Variants in PLXNA4 observed in about 807,000 individuals in gnomAD.
PLXNA4 encodes the protein plexin A4, also known as plexin-A4.
In PLXNA4, 44 loss-of-function variants were observed where a neutral mutation model predicts 191.8. The observed-to-expected ratio is 0.23, with a 90% CI of 0.18 to 0.29. The LOEUF (loss-of-function observed/expected upper bound fraction) is 0.29, where lower values mean the gene tolerates loss of function less well. Ranked by LOEUF, PLXNA4 falls within the 10% of genes least tolerant of loss-of-function variation. PLXNA4 has a pLI of 1.00. For synonymous variants in PLXNA4, 1,082 were observed against 1,009.5 expected, an observed-to-expected ratio of 1.07 and a Z score of -1.36; for missense variants, 1,800 against 2,488.8, an observed-to-expected ratio of 0.72 and a Z score of 5.89.
At chr7:132,310,875 C>T (rs1057447870) in intron 3 of PLXNA4, among the ~76,000 whole-genome samples, 1 of 152,126 alleles carries the variant, frequency 6.6e-6, no homozygotes, top group East Asian at 1.9e-4. Context: ...TAAGAACAGC[C>T]CATGTTCACC....
At chr7:132,374,668 A>ACAGTT (rs1202980406) in intron 3 of PLXNA4, among the ~76,000 whole-genome samples, 1 of 152,194 alleles carries the variant, frequency 6.6e-6, no homozygotes, top group East Asian at 1.9e-4. Context: ...AATGCTAACA[A>ACAGTT]CAGTTTCTAG....
chr7:132,537,190 C>A (rs1334784988), intron 1 of PLXNA4, among the ~76,000 whole-genome samples: 5 of 152,338 alleles, frequency 3.3e-5, no homozygotes, highest in Non-Finnish European at 7.3e-5. Context: ...ACGCCGTCCA[C>A]AGGGCCAGCC....
intron 3 of PLXNA4, among the ~76,000 whole-genome samples, chr7:132,299,015 G>C (rs1801209580): frequency 6.6e-6 from 1 of 152,218 alleles, no homozygotes; most frequent in South Asian, 2.1e-4. Context: ...GAAAAGACAT[G>C]AGCTTTCCAA....
intron 3 of PLXNA4, among the ~76,000 whole-genome samples, chr7:132,400,058 C>A (rs1793923779): frequency 6.6e-6 from 1 of 152,042 alleles, no homozygotes; most frequent in Admixed American, 6.5e-5. Context: ...CTCCCTTACC[C>A]CACGCCAGTC....
chr7:132,130,171 G>A lies in PLXNA4; in HGVS notation c.*308C>T. On this transcript the variant is annotated 3_prime_UTR_variant, in exon 32 of 32. Transcript: ENST00000321063. The stretch of plus-strand genomic sequence containing the variant: ...GCACCCTGCTGCTGACATGCACAGG[G>A]TCAGGAGCACCTGGGAGACAGAGGC... The A allele has an allele frequency of 2.9e-6, 1 of 346,758 alleles. No homozygotes were observed. The highest frequency in any genetic ancestry group is 5.5e-6 in the Non-Finnish European group (1 of 182,046). The allele number at this position is 346,758 out of a possible 1,614,324, so 21.5% of individuals were successfully genotyped here.
At chr7:132,156,135 T>TACAC (rs57153762) in intron 25 of PLXNA4, among the ~76,000 whole-genome samples, 20,675 of 132,880 alleles carry the variant, frequency 0.16, 1,766 homozygotes, top group South Asian at 0.23. Flanking sequence ...TTTCTGGACA[T>TACAC]ACACACACAC....
intron 4 of PLXNA4, 27 bp from the exon 5 acceptor site, chr7:132,241,193 G>T: frequency 6.4e-7 from 1 of 1,572,820 alleles, no homozygotes; most frequent in South Asian, 1.1e-5. Flanking sequence ...GGGAGAAGGT[G>T]GTCAAGATTT....
chr7:132,222,802 CAAG>C (rs1798190616), intron 9 of PLXNA4, among the ~76,000 whole-genome samples: 1 of 152,164 alleles, frequency 6.6e-6, no homozygotes, highest in African/African-American at 2.4e-5. Context: ...GATGAGTGTT[CAAG>C]AAGAATAAAA....
chr7:132,496,157 G>A (rs1024157214), intron 2 of PLXNA4, among the ~76,000 whole-genome samples: 10 of 152,206 alleles, frequency 6.6e-5, no homozygotes, highest in African/African-American at 2.2e-4. Context: ...AGGAAGAGGC[G>A]AGGTCTGGGC....
intron 5 of PLXNA4, among the ~76,000 whole-genome samples, chr7:132,229,962 A>C (rs1165373451): frequency 6.6e-6 from 1 of 152,096 alleles, no homozygotes; most frequent in Non-Finnish European, 1.5e-5. Context: ...CTAGCAAATG[A>C]AGGAGAAATC....
At chr7:132,338,435 C>A (rs1802899501) in intron 3 of PLXNA4, among the ~76,000 whole-genome samples, 2 of 152,222 alleles carry the variant, frequency 1.3e-5, no homozygotes, top group African/African-American at 4.8e-5. Flanking sequence ...AAGAATACCT[C>A]TGACGTTGTC....
chr7:132,149,806 T>A (rs1029527274), intron 25 of PLXNA4, among the ~76,000 whole-genome samples: 1 of 152,198 alleles, frequency 6.6e-6, no homozygotes, highest in Non-Finnish European at 1.5e-5. Context: ...CAGAGCCACA[T>A]GTTCAGATTC....
At chr7:132,526,414 C>T (rs1799403530) in intron 1 of PLXNA4, among the ~76,000 whole-genome samples, 2 of 152,172 alleles carry the variant, frequency 1.3e-5, no homozygotes, top group African/African-American at 4.8e-5. Context: ...TATAAGAAAT[C>T]TGACAGGAAA....
chr7:132,386,717 G>A (rs997393012), intron 3 of PLXNA4, among the ~76,000 whole-genome samples: 3 of 152,144 alleles, frequency 2.0e-5, no homozygotes, highest in Non-Finnish European at 4.4e-5. Flanking sequence ...CATTGAGCTC[G>A]GAAAACAGGT....
At chr7:132,487,416 G>T (rs1049644060) in intron 3 of PLXNA4, among the ~76,000 whole-genome samples, 15 of 152,174 alleles carry the variant, frequency 9.9e-5, no homozygotes, top group African/African-American at 3.6e-4. Context: ...ATTGCAGCAG[G>T]TGAAGCAGGT....
intron 1 of PLXNA4, among the ~76,000 whole-genome samples, chr7:132,558,662 C>A (rs889298075): frequency 2.6e-5 from 4 of 152,224 alleles, no homozygotes; most frequent in African/African-American, 9.6e-5. Flanking sequence ...CTCCTCCACA[C>A]CCCCAACAAT....
At chr7:132,328,186 T>G (rs1397468601) in intron 3 of PLXNA4, among the ~76,000 whole-genome samples, 1 of 152,142 alleles carries the variant, frequency 6.6e-6, no homozygotes, top group African/African-American at 2.4e-5. Context: ...CTTCTCTTCC[T>G]CCTGACAGAT....
intron 5 of PLXNA4, among the ~76,000 whole-genome samples, chr7:132,235,842 T>C (rs1798681595): frequency 6.6e-6 from 1 of 152,158 alleles, no homozygotes; most frequent in Non-Finnish European, 1.5e-5. Context: ...GGACAGGAGA[T>C]AGCTGTGATA....
chr7:132,538,330 C>G (rs1483570981), intron 1 of PLXNA4, among the ~76,000 whole-genome samples: 1 of 152,208 alleles, frequency 6.6e-6, no homozygotes, highest in Non-Finnish European at 1.5e-5. Flanking sequence ...CCGGCAAGGT[C>G]TTAGGCAGAG....
Sources: allele counts gnomAD v4.1 joint callset (sites outside exome capture counted in the v4.1 genomes callset), GRCh38; gene constraint gnomAD v4.1.1; transcripts MANE v1.5; gene names NCBI Gene and HGNC (gene_info 2026-07-23, HGNC 2026-07-21).